DSTN: variants seen among roughly 807,000 people sequenced by gnomAD.
The protein encoded by DSTN is destrin, actin depolymerizing factor, also known as destrin.
Under a neutral mutation model 16.8 loss-of-function variants are expected in DSTN, and 10 were observed. The ratio of observed to expected loss-of-function variants is 0.60; its 90% CI spans 0.37 to 1.01. DSTN has a LOEUF of 1.01. DSTN is among the 50% of genes least tolerant of loss of function. The probability of loss-of-function intolerance (pLI) is 0.01; values close to 1 mark genes in which losing one functional copy is unlikely to be tolerated. For synonymous variants in DSTN, 57 were observed against 58.9 expected (o/e 0.97, Z 0.14); for missense variants, 141 against 196.7 (o/e 0.72, Z 1.69).
In DSTN at chr20:17,601,034, G is replaced by GT. The variant is rs750962255; in HGVS notation, c.308dup (p.Leu103PhefsTer12). ...AAGAATCCAGAAAAGAAGAGTTGAT[G>GT]TTTTTTTTGTGGTAAGCATGTTAGA... On this transcript the variant is annotated frameshift_variant, in exon 2 of 4. Coordinates refer to ENST00000246069, the MANE Select transcript of DSTN (RefSeq NM_006870.4). LOFTEE classifies it high-confidence loss of function. 4.8e-5 allele frequency: 77 copies of GT among 1,588,196 alleles called. No individual in the cohort carries two copies. The highest frequency in any genetic ancestry group is 6.9e-5 in the South Asian group (6 of 87,026).
intron 1 of DSTN, among the ~76,000 whole-genome samples, chr20:17,580,755 A>G (rs2035334041): frequency 6.6e-6 from 1 of 152,164 alleles, no homozygotes; most frequent in African/African-American, 2.4e-5. Context: ...TCTCAAAAAA[A>G]AAAAAAAATG....
rs1301911144 is a variant in DSTN, at chr20:17,609,739, T to C, written c.*2593T>C. 2 of 152,220 alleles carry C rather than the reference T, an allele frequency of 1.3e-5. No individual in the cohort carries two copies. Among genetic ancestry groups the C allele is most frequent in the Non-Finnish European group, 2.9e-5 (2 of 68,042 alleles). The allele number at this position is 152,220 out of a possible 1,614,324, so 9.4% of individuals were successfully genotyped here. Reference sequence around the variant, plus strand: ...AATTAGGGTTCAGACCTCAGCTGATTGGTCTACTGTTGGTCAGGAACAAAA... The same window carrying C: ...AATTAGGGTTCAGACCTCAGCTGATCGGTCTACTGTTGGTCAGGAACAAAA... On this transcript the variant is annotated 3_prime_UTR_variant, in exon 4 of 4. Transcript: ENST00000246069.
At chr20:17,587,202 T>TTAAAAAAAAA (rs2035419772) in intron 1 of DSTN, among the ~76,000 whole-genome samples, 1 of 137,030 alleles carries the variant, frequency 7.3e-6, no homozygotes. Context: ...TCTCAAGGAA[T>TTAAAAAAAAA]AAAAAAAAAA....
Position 17,577,445 on chromosome 20 carries a change from T to C in DSTN, c.3+7234T>C, listed in dbSNP as rs139766702. On this transcript the variant is annotated intron_variant, in intron 1 of 3. Coordinates refer to ENST00000246069, the MANE Select transcript of DSTN (RefSeq NM_006870.4). ...AGCCAGGCATGGTGGCAGGTGCATGTAGTCCCAGCTACTTGAGAGGTTGAG... is the reference window on the plus strand; with the variant it reads ...AGCCAGGCATGGTGGCAGGTGCATGCAGTCCCAGCTACTTGAGAGGTTGAG... Among the ~76,000 whole-genome samples the C allele has an allele frequency of 5.6e-3, 846 of 152,230 alleles. 10 individuals are homozygous for C. The highest frequency in any genetic ancestry group is 8.8e-3 in the Non-Finnish European group (597 of 68,016).
intron 1 of DSTN, among the ~76,000 whole-genome samples, chr20:17,587,235 T>C (rs2035420556): frequency 6.6e-6 from 1 of 151,764 alleles, no homozygotes; most frequent in South Asian, 2.1e-4. Context: ...TGTTATGGCA[T>C]CTGTAAGAAT....
intron 1 of DSTN, among the ~76,000 whole-genome samples, chr20:17,570,450 G>A (rs893468529): frequency 6.6e-6 from 1 of 152,228 alleles, no homozygotes; most frequent in East Asian, 1.9e-4. Context: ...CCCAGCTGGG[G>A]CGAGGCCGCC....
In DSTN at chr20:17,607,876, T is replaced by A. The variant is rs1227455426; in HGVS notation, c.*730T>A. 6.6e-6 allele frequency: 1 copy of A among 152,228 alleles called. No individual in the cohort carries two copies. Among genetic ancestry groups the A allele is most frequent in the Non-Finnish European group, 1.5e-5 (1 of 68,034 alleles). The allele number at this position is 152,228 out of a possible 1,614,324, so 9.4% of individuals were successfully genotyped here. On this transcript the variant is annotated 3_prime_UTR_variant, in exon 4 of 4. Coordinates refer to ENST00000246069, the MANE Select transcript of DSTN (RefSeq NM_006870.4). ...ATTATAATGCAAATTAGGGCTACAT[T>A]GTAATCTGCTTTGTTAATGAAAATG...
chr20:17,605,099 T>C, intron 3 of DSTN: 1 of 456,446 alleles, frequency 2.2e-6, no homozygotes, highest in Non-Finnish European at 4.4e-6. Flanking sequence ...TTAATTCATC[T>C]GTGTCCCAAG....
At chr20:17,601,707 C>G (rs1436047400) in intron 2 of DSTN, among the ~76,000 whole-genome samples, 1 of 152,166 alleles carries the variant, frequency 6.6e-6, no homozygotes, top group Admixed American at 6.5e-5. Context: ...CAGTGTTACT[C>G]TTAGATAGTG....
intron 1 of DSTN, among the ~76,000 whole-genome samples, chr20:17,574,870 G>GTTTTTTTTTTTTTTTTTTTTTT (rs533880691): frequency 6.2e-5 from 5 of 81,170 alleles, no homozygotes; most frequent in Non-Finnish European, 8.6e-5. Context: ...CTTTTCTTTT[G>GTTTTTTTTTTTTTTTTTTTTTT]TTTTTTTTTT....
At chr20:17,600,587 G>A (rs2035575565) in intron 1 of DSTN, 151 bp from the exon 2 acceptor site, 2 of 898,926 alleles carry the variant, frequency 2.2e-6, no homozygotes, top group South Asian at 4.1e-5. Context: ...TCTAAAATTA[G>A]TAGTGATTAC....
chr20:17,582,077 A>ATT (rs35744527), intron 1 of DSTN, among the ~76,000 whole-genome samples: 6,123 of 126,672 alleles, frequency 0.048, 398 homozygotes, highest in East Asian at 0.21. Flanking sequence ...TGAAATATAC[A>ATT]TTTTTTTTTT....
At chr20:17,586,575 T>G (rs1280398469) in intron 1 of DSTN, among the ~76,000 whole-genome samples, 1 of 152,240 alleles carries the variant, frequency 6.6e-6, no homozygotes, top group African/African-American at 2.4e-5. Context: ...GCACATTAAA[T>G]TCTTAGGTTT....
At chr20:17,597,907 A>AC (rs1335162322) in intron 1 of DSTN, among the ~76,000 whole-genome samples, 1 of 152,128 alleles carries the variant, frequency 6.6e-6, no homozygotes, top group East Asian at 1.9e-4. Context: ...TGTTGATTTT[A>AC]CCCAATTTGA....
intron 3 of DSTN, among the ~76,000 whole-genome samples, chr20:17,606,088 A>G (rs1259938066): frequency 6.6e-6 from 1 of 152,000 alleles, no homozygotes; most frequent in Non-Finnish European, 1.5e-5. Flanking sequence ...AGCCAGGGCA[A>G]TAAGAGCAAA....
intron 1 of DSTN, among the ~76,000 whole-genome samples, chr20:17,574,815 CTTTCCTTTT>C (rs2035252609): frequency 6.8e-6 from 1 of 146,106 alleles, no homozygotes; most frequent in African/African-American, 2.5e-5. Flanking sequence ...TTCTCCTTTC[CTTTCCTTTT>C]TTTCCTTTCT....
intron 1 of DSTN, among the ~76,000 whole-genome samples, chr20:17,590,671 C>A (rs1401670876): frequency 2.0e-5 from 3 of 152,122 alleles, no homozygotes; most frequent in Non-Finnish European, 1.5e-5. Flanking sequence ...CTTTAATGGT[C>A]TTTATTGTTA....
intron 1 of DSTN, among the ~76,000 whole-genome samples, chr20:17,582,198 T>C (rs1038044936): frequency 1.3e-5 from 2 of 151,378 alleles, no homozygotes; most frequent in African/African-American, 4.9e-5. Flanking sequence ...CCTGCCTCAG[T>C]CTTCTGACTA....
intron 1 of DSTN, among the ~76,000 whole-genome samples, chr20:17,600,295 A>G (rs1318612435): frequency 6.6e-6 from 1 of 152,202 alleles, no homozygotes; most frequent in Non-Finnish European, 1.5e-5. Flanking sequence ...TTATTAGAGA[A>G]AGAGATGCTG....
Sources: gnomAD v4.1 joint callset for allele counts (sites outside exome capture counted in the v4.1 genomes callset) on GRCh38, gnomAD v4.1.1 for gene constraint, MANE v1.5 for transcripts, NCBI Gene and HGNC (gene_info 2026-07-23, HGNC 2026-07-21) for gene names.